The following GHR variants were observed in gnomAD, a reference collection of about 807,000 sequenced individuals.
The protein encoded by GHR is growth hormone receptor.
In GHR, 35 loss-of-function variants were observed where a neutral mutation model predicts 67.1. The ratio of observed to expected loss-of-function variants is 0.52; its 90% CI spans 0.40 to 0.69. The LOEUF (loss-of-function observed/expected upper bound fraction) is 0.69, where lower values mean the gene tolerates loss of function less well. Ranked by LOEUF, GHR falls within the 30% of genes least tolerant of loss-of-function variation. The pLI is 0.00. For missense variants in GHR, 792 were observed against 764.6 expected (o/e 1.04, Z -0.42); for synonymous variants, 272 against 269.1 (o/e 1.01, Z -0.10).
rs538295801 is a variant in GHR at position 42,516,449 on chromosome 5, T to C, written c.-11-49415T>C. Reference sequence around the variant, plus strand: ...AATCCTGGCTTGGCTACTTCCCAGCTATGTGATCCTGGGCTTCAGGGTTCC... The same window carrying C: ...AATCCTGGCTTGGCTACTTCCCAGCCATGTGATCCTGGGCTTCAGGGTTCC... On this transcript the variant is annotated intron_variant, in intron 1 of 9. Coordinates refer to ENST00000230882, the MANE Select transcript of GHR (RefSeq NM_000163.5). 1.3e-3 allele frequency among the ~76,000 whole-genome samples: 203 copies of C among 152,226 alleles called. 1 individual carries two copies. The highest frequency in any genetic ancestry group is 1.7e-3 in the Non-Finnish European group (114 of 68,032).
At chr5:42,427,481 G>T (rs1742904234) in intron 1 of GHR, among the ~76,000 whole-genome samples, 1 of 152,156 alleles carries the variant, frequency 6.6e-6, no homozygotes, top group South Asian at 2.1e-4. Flanking sequence ...CTCCTACTGG[G>T]TCCCTTCCAC....
chr5:42,428,745 C>T (rs763497121), intron 1 of GHR, among the ~76,000 whole-genome samples: 1 of 152,178 alleles, frequency 6.6e-6, no homozygotes, highest in African/African-American at 2.4e-5. Flanking sequence ...CACCTTTGCT[C>T]CAGTTCCCAA....
intron 3 of GHR, among the ~76,000 whole-genome samples, chr5:42,675,697 T>G (rs1227742342): frequency 6.6e-6 from 1 of 152,210 alleles, no homozygotes; most frequent in Non-Finnish European, 1.5e-5. Context: ...AAAAGAAAGT[T>G]TGGTGAAGGT....
At chr5:42,497,181 T>C (rs1746356610) in intron 1 of GHR, among the ~76,000 whole-genome samples, 1 of 152,232 alleles carries the variant, frequency 6.6e-6, no homozygotes, top group South Asian at 2.1e-4. Flanking sequence ...GCCACCATGC[T>C]GTGGCCCACA....
chr5:42,677,246 T>C (rs73751230), intron 3 of GHR, among the ~76,000 whole-genome samples: 1 of 152,008 alleles, frequency 6.6e-6, no homozygotes, highest in South Asian at 2.1e-4. Flanking sequence ...TGCCAATATA[T>C]CAATAAAGCT....
At chr5:42,442,499 T>C (rs958509328) in intron 1 of GHR, among the ~76,000 whole-genome samples, 1 of 152,142 alleles carries the variant, frequency 6.6e-6, no homozygotes, top group Admixed American at 6.5e-5. Flanking sequence ...AAACCAGGAA[T>C]CTAAGCCTGC....
intron 1 of GHR, among the ~76,000 whole-genome samples, chr5:42,460,893 A>G (rs1235989568): frequency 6.6e-6 from 1 of 152,212 alleles, no homozygotes; most frequent in Non-Finnish European, 1.5e-5. Context: ...TTTTCTTCAC[A>G]TGGTCTTCTA....
intron 1 of GHR, among the ~76,000 whole-genome samples, chr5:42,434,919 C>T (rs16872564): frequency 5.9e-5 from 9 of 152,236 alleles, no homozygotes; most frequent in Non-Finnish European, 8.8e-5. Flanking sequence ...CTTGTCTGAC[C>T]GGATTTGAAT....
intron 1 of GHR, chr5:42,467,552 AG>A (rs879463791): frequency 9.6e-5 from 142 of 1,485,544 alleles, no homozygotes; most frequent in Non-Finnish European, 1.2e-4. Flanking sequence ...CTACGCCTAA[AG>A]GTTTTTTCTA....
chr5:42,706,705 CT>C (rs1435912113), intron 6 of GHR, among the ~76,000 whole-genome samples: 2 of 151,930 alleles, frequency 1.3e-5, no homozygotes, highest in Admixed American at 1.3e-4. Context: ...AGGTATGAGG[CT>C]TTATTTTGGG....
intron 4 of GHR, among the ~76,000 whole-genome samples, chr5:42,689,330 AAAAT>A (rs1454989408): frequency 7.9e-5 from 12 of 152,220 alleles, no homozygotes; most frequent in African/African-American, 1.9e-4. Flanking sequence ...GTTATTAAGA[AAAAT>A]AAAGCCAGAA....
At chr5:42,564,129 A>T (rs550092026) in intron 1 of GHR, among the ~76,000 whole-genome samples, 6 of 149,450 alleles carry the variant, frequency 4.0e-5, no homozygotes, top group African/African-American at 1.5e-4. Flanking sequence ...AATCTCACAA[A>T]GTGTGAGATT....
At chr5:42,440,717 T>C (rs1056367183) in intron 1 of GHR, among the ~76,000 whole-genome samples, 3 of 152,206 alleles carry the variant, frequency 2.0e-5, no homozygotes, top group African/African-American at 4.8e-5. Context: ...GAGTCTGTTG[T>C]AGGCCAGAGG....
At chr5:42,637,882 T>C (rs1485922359) in intron 3 of GHR, among the ~76,000 whole-genome samples, 1 of 152,222 alleles carries the variant, frequency 6.6e-6, no homozygotes, top group Admixed American at 6.5e-5. Context: ...ATCTCCACAC[T>C]GTTTTCCACA....
intron 1 of GHR, chr5:42,468,667 A>C: frequency 9.8e-7 from 1 of 1,016,590 alleles, no homozygotes; most frequent in South Asian, 1.3e-5. Context: ...GCAGCTAGCT[A>C]TTTGCCTGCC....
At chr5:42,522,906 G>A (rs1466099131) in intron 1 of GHR, among the ~76,000 whole-genome samples, 3 of 152,122 alleles carry the variant, frequency 2.0e-5, no homozygotes, top group Non-Finnish European at 4.4e-5. Flanking sequence ...AATTTTCTAG[G>A]CATTATGCAA....
chr5:42,550,619 T>C (rs909423806), intron 1 of GHR, among the ~76,000 whole-genome samples: 7 of 152,150 alleles, frequency 4.6e-5, no homozygotes, highest in Non-Finnish European at 7.3e-5. Context: ...CATCTCAATC[T>C]CTCTGTTTTT....
chr5:42,427,081 ATAT>A (rs1273819456), intron 1 of GHR, among the ~76,000 whole-genome samples: 1 of 152,204 alleles, frequency 6.6e-6, no homozygotes, highest in East Asian at 1.9e-4. Flanking sequence ...TTGAAAACAA[ATAT>A]TATCCTCCTT....
At position 42,579,587 on chromosome 5, in the gene GHR, C is replaced by A. The variant is rs6868671; in HGVS notation, c.70+13643C>A. Among the ~76,000 whole-genome samples, 540 of 152,320 alleles carry A rather than the reference C, an allele frequency of 3.5e-3. 2 individuals carry two copies. Among genetic ancestry groups the A allele is most frequent in the African/African-American group, 0.013 (520 of 41,572 alleles). ...ATACAACAACTTAAACATCAGTTAA[C>A]AAATCCCCATGAATGCATGGTCATA... On this transcript the variant is annotated intron_variant, in intron 2 of 9. Coordinates refer to ENST00000230882, the MANE Select transcript of GHR (RefSeq NM_000163.5).
Sources: gnomAD v4.1 joint callset for allele counts (sites outside exome capture counted in the v4.1 genomes callset) on GRCh38, gnomAD v4.1.1 for gene constraint, MANE v1.5 for transcripts, NCBI Gene and HGNC (gene_info 2026-07-23, HGNC 2026-07-21) for gene names.